The following PIBF1 variants were observed in gnomAD, a reference collection of about 807,000 sequenced individuals.
PIBF1 encodes the protein progesterone immunomodulatory binding factor 1, also known as progesterone-induced-blocking factor 1.
Under a neutral mutation model 112.5 loss-of-function variants are expected in PIBF1, and 90 were observed. That is an observed-to-expected ratio of 0.80 (90% confidence interval 0.67 to 0.95). The LOEUF (loss-of-function observed/expected upper bound fraction) is 0.95, where lower values mean the gene tolerates loss of function less well. Among genes scored for constraint, PIBF1 ranks in the 40% least tolerant of loss-of-function variants. The probability of loss-of-function intolerance (pLI) is 0.00; values close to 1 mark genes in which losing one functional copy is unlikely to be tolerated. For synonymous variants in PIBF1, 301 were observed against 288.6 expected, an observed-to-expected ratio of 1.04 and a Z score of -0.44; for missense variants, 915 against 852.3, an observed-to-expected ratio of 1.07 and a Z score of -0.92.
chr13:72,908,695 C>T lies in PIBF1; in HGVS notation c.1639+14C>T, dbSNP rs1379287309. The stretch of plus-strand genomic sequence containing the variant: ...AAACTGCAGAAAGTAAGTCTTCCCC[C>T]ACACACACATGCACAACTTTTTTTT... On this transcript the variant is annotated intron_variant, in intron 12 of 17. Coordinates refer to ENST00000326291, the MANE Select transcript of PIBF1 (RefSeq NM_006346.4). 2.5e-6 allele frequency: 4 copies of T among 1,596,796 alleles called. No homozygotes were observed. Among genetic ancestry groups the T allele is most frequent in the Non-Finnish European group, 3.4e-6 (4 of 1,173,278 alleles).
At chr13:72,825,008 T>A (rs745623242) in intron 6 of PIBF1, among the ~76,000 whole-genome samples, 1 of 152,172 alleles carries the variant, frequency 6.6e-6, no homozygotes, top group Non-Finnish European at 1.5e-5. Context: ...GAGCATTCTA[T>A]GATGCAGCTA....
intron 15 of PIBF1, among the ~76,000 whole-genome samples, chr13:72,971,161 A>G (rs2042878562): frequency 6.6e-6 from 1 of 150,642 alleles, no homozygotes; most frequent in Non-Finnish European, 1.5e-5. Flanking sequence ...TAGAAGAGCC[A>G]GTTGGTATTT....
At chr13:72,898,635 G>A (rs956279709) in intron 11 of PIBF1, among the ~76,000 whole-genome samples, 5 of 149,592 alleles carry the variant, frequency 3.3e-5, no homozygotes, top group East Asian at 2.0e-4. Flanking sequence ...TTGGGAGTTC[G>A]AGTCCAGCCT....
At chr13:72,906,195 T>C (rs1469389955) in intron 11 of PIBF1, among the ~76,000 whole-genome samples, 1 of 152,134 alleles carries the variant, frequency 6.6e-6, no homozygotes, top group African/African-American at 2.4e-5. Context: ...AGTATTCTCA[T>C]TGATTGTTAA....
At chr13:72,915,870 G>A (rs532649329) in intron 12 of PIBF1, among the ~76,000 whole-genome samples, 3 of 152,262 alleles carry the variant, frequency 2.0e-5, no homozygotes, top group East Asian at 1.9e-4. Flanking sequence ...TACATTGATA[G>A]GCATGCAGAA....
chr13:72,886,072 T>C (rs1303369036), intron 10 of PIBF1, among the ~76,000 whole-genome samples: 1 of 152,156 alleles, frequency 6.6e-6, no homozygotes, highest in African/African-American at 2.4e-5. Context: ...TTAACCATAG[T>C]AAATTCATTT....
chr13:72,844,541 T>C (rs1210742035), intron 9 of PIBF1, among the ~76,000 whole-genome samples: 4 of 152,022 alleles, frequency 2.6e-5, no homozygotes, highest in African/African-American at 7.3e-5. Context: ...CCTGTTTCCA[T>C]GTGTTCTCAT....
intron 17 of PIBF1, among the ~76,000 whole-genome samples, chr13:73,012,956 A>G (rs1003887653): frequency 6.6e-6 from 1 of 151,872 alleles, no homozygotes; most frequent in Non-Finnish European, 1.5e-5. Context: ...TCAGACACCA[A>G]ATATCCAAGG....
chr13:72,849,093 T>A (rs1477868090), intron 9 of PIBF1, among the ~76,000 whole-genome samples: 1 of 152,208 alleles, frequency 6.6e-6, no homozygotes, highest in Non-Finnish European at 1.5e-5. Flanking sequence ...TTCTTCAATC[T>A]TTCCTCTCAG....
chr13:72,810,591 A>C (rs775487086), intron 5 of PIBF1, among the ~76,000 whole-genome samples: 32 of 152,174 alleles, frequency 2.1e-4, no homozygotes, highest in Non-Finnish European at 4.4e-4. Flanking sequence ...TGTTTATTAA[A>C]GTTTTTATAT....
At position 72,931,272 on chromosome 13, in the gene PIBF1, A is replaced by G; in HGVS notation, c.1833+5A>G. On this transcript the variant is annotated splice_donor_5th_base_variant and intron_variant, in intron 14 of 17. Coordinates refer to ENST00000326291, the MANE Select transcript of PIBF1 (RefSeq NM_006346.4). ...GTAACACAGCTTTCACAAGAGGTAA[A>G]TAACTTAAAGAAACCCATATGAAGA... The G allele has an allele frequency of 6.5e-7, 1 of 1,547,174 alleles. No homozygotes were observed. Among genetic ancestry groups the G allele is most frequent in the South Asian group, 1.1e-5 (1 of 88,306 alleles).
At chr13:72,788,922 G>C (rs1233845578) in intron 2 of PIBF1, among the ~76,000 whole-genome samples, 1 of 152,096 alleles carries the variant, frequency 6.6e-6, no homozygotes, top group African/African-American at 2.4e-5. Flanking sequence ...ATTATAGTTT[G>C]TTACTAGGAA....
chr13:72,822,633 T>C (rs2036607672), intron 6 of PIBF1, among the ~76,000 whole-genome samples: 2 of 152,216 alleles, frequency 1.3e-5, no homozygotes, highest in African/African-American at 4.8e-5. Flanking sequence ...ATAAATGGAA[T>C]GACCTTATCT....
intron 9 of PIBF1, among the ~76,000 whole-genome samples, chr13:72,852,340 C>T (rs555226652): frequency 6.6e-6 from 1 of 152,184 alleles, no homozygotes; most frequent in African/African-American, 2.4e-5. Flanking sequence ...GTATGCCTGT[C>T]CAGTCGCAGC....
chr13:72,980,445 G>A (rs1280014471), intron 16 of PIBF1, among the ~76,000 whole-genome samples: 8 of 152,182 alleles, frequency 5.3e-5, no homozygotes, highest in Non-Finnish European at 1.0e-4. Flanking sequence ...GCAGTGACGT[G>A]CTCTCAAGAG....
chr13:72,957,304 T>C (rs571280217), intron 14 of PIBF1, among the ~76,000 whole-genome samples: 1 of 152,288 alleles, frequency 6.6e-6, no homozygotes, highest in East Asian at 1.9e-4. Flanking sequence ...AAATGTGGTA[T>C]GTATATATAC....
rs1349063216 is a variant in PIBF1 at position 72,874,105 on chromosome 13, G to T, written c.1323-19679G>T. Among the ~76,000 whole-genome samples, 4 of 152,272 alleles carry T rather than the reference G, an allele frequency of 2.6e-5. No individual in the cohort carries two copies. The East Asian group carries it at 7.7e-4, about 29-fold the overall frequency. The stretch of plus-strand genomic sequence containing the variant: ...CACGGATATTACCAAGTGTTGGTAA[G>T]GTTGTCAGTTAACTCAAATGTCCAC... On this transcript the variant is annotated intron_variant, in intron 10 of 17. Coordinates refer to ENST00000326291, the MANE Select transcript of PIBF1 (RefSeq NM_006346.4).
At chr13:72,979,350 CTTT>C (rs2138961575) in intron 16 of PIBF1, among the ~76,000 whole-genome samples, 1 of 152,288 alleles carries the variant, frequency 6.6e-6, no homozygotes, top group African/African-American at 2.4e-5. Context: ...TCTAATTCTG[CTTT>C]TCTTTGTATA....
intron 9 of PIBF1, among the ~76,000 whole-genome samples, chr13:72,847,573 A>G (rs1301595569): frequency 2.0e-5 from 3 of 152,232 alleles, no homozygotes; most frequent in African/African-American, 7.2e-5. Flanking sequence ...TTAAATTTCA[A>G]CATGAGTTTT....
Sources: allele counts gnomAD v4.1 joint callset (sites outside exome capture counted in the v4.1 genomes callset), GRCh38; gene constraint gnomAD v4.1.1; transcripts MANE v1.5; gene names NCBI Gene and HGNC (gene_info 2026-07-23, HGNC 2026-07-21).